CNMD: variants seen among roughly 807,000 people sequenced by gnomAD.
CNMD encodes the protein chondromodulin, also known as leukocyte cell-derived chemotaxin 1.
Under a neutral mutation model 37.5 loss-of-function variants are expected in CNMD, and 30 were observed. The ratio of observed to expected loss-of-function variants is 0.80; its 90% CI spans 0.60 to 1.09. The LOEUF (loss-of-function observed/expected upper bound fraction) is 1.09, where lower values mean the gene tolerates loss of function less well. Among genes scored for constraint, CNMD ranks in the 50% least tolerant of loss-of-function variants. The pLI, the probability that CNMD is intolerant of heterozygous loss-of-function variation, is 0.00. For synonymous variants in CNMD, 167 were observed against 148.2 expected, an observed-to-expected ratio of 1.13 and a Z score of -0.92; for missense variants, 398 against 423.9, an observed-to-expected ratio of 0.94 and a Z score of 0.54.
intron 4 of CNMD, among the ~76,000 whole-genome samples, chr13:52,723,680 G>A (rs527273015): frequency 3.9e-5 from 6 of 151,932 alleles, no homozygotes; most frequent in Non-Finnish European, 4.4e-5. Flanking sequence ...CTATAATCCT[G>A]GCACTTTAGG....
chr13:52,722,011 A>G (rs756221944), intron 4 of CNMD, among the ~76,000 whole-genome samples: 3 of 152,120 alleles, frequency 2.0e-5, no homozygotes, highest in African/African-American at 7.2e-5. Context: ...AAAAATGGTA[A>G]TGCAATAAGA....
chr13:52,730,034 C>G lies in CNMD; in HGVS notation c.354+3185G>C, dbSNP rs199683425. 1.0e-4 allele frequency among the ~76,000 whole-genome samples: 15 copies of G among 149,768 alleles called. No individual in the cohort carries two copies. The East Asian group carries it at 2.4e-3, about 24-fold the overall frequency. Reference sequence around the variant, plus strand: ...TCCCCTTCCTGTATCCATGTGTTCTCATTGTTCAATTCCCACCTATGAGTG... The same window carrying G: ...TCCCCTTCCTGTATCCATGTGTTCTGATTGTTCAATTCCCACCTATGAGTG... On this transcript the variant is annotated intron_variant, in intron 3 of 6. Coordinates refer to ENST00000377962, the MANE Select transcript of CNMD (RefSeq NM_007015.3).
intron 6 of CNMD, among the ~76,000 whole-genome samples, chr13:52,706,907 T>G (rs1964189467): frequency 6.6e-6 from 1 of 152,146 alleles, no homozygotes; most frequent in Non-Finnish European, 1.5e-5. Context: ...ATTTAATTTA[T>G]TTTTTAGTTG....
rs746698612 is a variant in CNMD at position 52,739,479 on chromosome 13, C to T, written c.72+151G>A. Reference sequence around the variant, plus strand: ...GCCGTGACCCCTGCACACTCATACGCGTGGGGCGACATCCCACCCACACAT... The same window carrying T: ...GCCGTGACCCCTGCACACTCATACGTGTGGGGCGACATCCCACCCACACAT... On this transcript the variant is annotated intron_variant, in intron 1 of 6. Coordinates refer to ENST00000377962, the MANE Select transcript of CNMD (RefSeq NM_007015.3). This position sits in a 1 kb window ranked among gnomAD's most constrained non-coding sequence, Gnocchi z 5.4. The T allele has an allele frequency of 2.3e-5, 17 of 743,848 alleles. No homozygotes were observed. The highest frequency in any genetic ancestry group is 3.5e-5 in the African/African-American group (2 of 57,624). 46.1% of individuals were successfully genotyped at this position (743,848 alleles called of 1,614,324 possible).
intron 6 of CNMD, among the ~76,000 whole-genome samples, chr13:52,707,061 T>G (rs1255107848): frequency 1.3e-5 from 2 of 151,904 alleles, no homozygotes; most frequent in Non-Finnish European, 2.9e-5. Flanking sequence ...GCCAGCTAAT[T>G]TTTTGTATTT....
intron 3 of CNMD, among the ~76,000 whole-genome samples, chr13:52,726,734 G>A (rs2138260627): frequency 6.6e-6 from 1 of 151,998 alleles, no homozygotes; most frequent in Non-Finnish European, 1.5e-5. Flanking sequence ...TAATTCTCCA[G>A]CAACAGATCA....
In CNMD at chr13:52,733,649, C is replaced by T. The variant is rs1964711816; in HGVS notation, c.214-290G>A. 7 of 444,086 alleles carry T rather than the reference C, an allele frequency of 1.6e-5. No individual in the cohort carries two copies. The Admixed American group carries it at 2.1e-4, about 13-fold the overall frequency. The allele number at this position is 444,086 out of a possible 1,614,324, so 27.5% of individuals were successfully genotyped here. A position where few individuals can be genotyped will look rare whatever the true frequency, so the allele number is the denominator to read the frequency against. ...CTTTAGAAGCATCTGGGTAGACTCTCTGGGTACCATGCCTGGGTTTCACCC... is the reference window on the plus strand; with the variant it reads ...CTTTAGAAGCATCTGGGTAGACTCTTTGGGTACCATGCCTGGGTTTCACCC... On this transcript the variant is annotated intron_variant, in intron 2 of 6. Coordinates refer to ENST00000377962, the MANE Select transcript of CNMD (RefSeq NM_007015.3).
At chr13:52,730,469 T>C (rs527284175) in intron 3 of CNMD, among the ~76,000 whole-genome samples, 1 of 152,026 alleles carries the variant, frequency 6.6e-6, no homozygotes, top group South Asian at 2.1e-4. Flanking sequence ...TTTCTCCACA[T>C]CCTCTCCAGC....
chr13:52,728,230 A>T (rs1171667936), intron 3 of CNMD, among the ~76,000 whole-genome samples: 1 of 152,102 alleles, frequency 6.6e-6, no homozygotes, highest in African/African-American at 2.4e-5. Flanking sequence ...TACTAAAAAT[A>T]CAAAAATTAG....
At position 52,739,160 on chromosome 13, in the gene CNMD, C is replaced by A. The variant is rs750803079; in HGVS notation, c.84G>T (p.Thr28=). 13 of 1,510,092 alleles carry A rather than the reference C, an allele frequency of 8.6e-6. No homozygotes were observed. Among genetic ancestry groups the A allele is most frequent in the Non-Finnish European group, 1.1e-5 (12 of 1,136,496 alleles). 93.5% of individuals were successfully genotyped at this position (1,510,092 alleles called of 1,614,324 possible). A position where few individuals can be genotyped will look rare whatever the true frequency, so the allele number is the denominator to read the frequency against. Residue 28 remains threonine, a synonymous_variant, in exon 2 of 7, where the codon ACG becomes ACT. Coordinates refer to ENST00000377962, the MANE Select transcript of CNMD (RefSeq NM_007015.3). This position sits in a 1 kb window ranked among gnomAD's most constrained non-coding sequence, Gnocchi z 5.4. The part of the protein sequence containing the change: ...VEFCSPPAYA[T]LTVKPSSPAR... ...CGGGGCTGGAGGGCTTCACCGTCAG[C>A]GTAGCGTACGCCTGCGGGCCGGGGC...
rs1322296282 is a variant in CNMD at position 52,739,185 on chromosome 13, C to CG, written c.73-15dup. 1 of 1,465,252 alleles carries CG rather than the reference C, an allele frequency of 6.8e-7. No homozygotes were observed. The highest frequency in any genetic ancestry group is 1.5e-5 in the African/African-American group (1 of 67,386). 90.8% of individuals were successfully genotyped at this position (1,465,252 alleles called of 1,614,324 possible). A position where few individuals can be genotyped will look rare whatever the true frequency, so the allele number is the denominator to read the frequency against. On this transcript the variant is annotated splice_polypyrimidine_tract_variant and intron_variant, in intron 1 of 6. Transcript: ENST00000377962. This position sits in a 1 kb window ranked among gnomAD's most constrained non-coding sequence, Gnocchi z 5.4. The stretch of plus-strand genomic sequence containing the variant: ...CGTAGCGTACGCCTGCGGGCCGGGG[C>CG]GGGAGAGGGACCGTCGCGTTTGTGC...
intron 5 of CNMD, among the ~76,000 whole-genome samples, chr13:52,712,144 C>T (rs891885257): frequency 1.3e-5 from 2 of 151,910 alleles, no homozygotes; most frequent in Non-Finnish European, 2.9e-5. Flanking sequence ...CCAGGCTCAC[C>T]TGCCCTTCAT....
intron 4 of CNMD, among the ~76,000 whole-genome samples, chr13:52,715,714 GTGTACATGTGCCACA>G (rs1314898749): frequency 3.9e-5 from 6 of 152,202 alleles, no homozygotes; most frequent in African/African-American, 1.4e-4. Context: ...GTATTCTATG[GTGTACATGTGCCACA>G]TTTTCTTTAT....
intron 4 of CNMD, among the ~76,000 whole-genome samples, chr13:52,721,151 C>A (rs959034770): frequency 5.9e-5 from 9 of 152,258 alleles, no homozygotes; most frequent in African/African-American, 2.2e-4. Flanking sequence ...CCCCTCCCCC[C>A]ACCAAGCTCA....
Position 52,708,626 on chromosome 13 carries a change from C to T in CNMD, c.699G>A (p.Arg233=), listed in dbSNP as rs1964237937. ...TCAGTCTTCCAGCGCCTGGGTTGCT[C>T]CGTGGTCCACTGTGTGGTCTTTTTG... is the stretch of plus-strand genomic sequence containing the variant. The part of the protein sequence containing the change: ...TTTKRPHSGP[R]SNPGAGRLNN... Residue 233 remains arginine (R), a synonymous_variant, in exon 6 of 7, where the codon CGG becomes CGA. Transcript: ENST00000377962. 1.2e-6 allele frequency: 2 copies of T among 1,613,942 alleles called. No homozygotes were observed. The highest frequency in any genetic ancestry group is 2.2e-5 in the East Asian group (1 of 44,868).
At chr13:52,717,918 T>G (rs1964416840) in intron 4 of CNMD, among the ~76,000 whole-genome samples, 1 of 152,210 alleles carries the variant, frequency 6.6e-6, no homozygotes, top group Non-Finnish European at 1.5e-5. Flanking sequence ...GAAAGAATGG[T>G]ACCAGCTCCT....
At chr13:52,735,619 G>A (rs761507737) in intron 2 of CNMD, among the ~76,000 whole-genome samples, 2 of 151,008 alleles carry the variant, frequency 1.3e-5, no homozygotes, top group African/African-American at 4.9e-5. Flanking sequence ...AAGAAGAATT[G>A]TCTTGGACCA....
In CNMD at chr13:52,703,614, C is replaced by G. The variant is rs753976938; in HGVS notation, c.986G>C (p.Arg329Pro). 4 of 1,611,374 alleles carry G rather than the reference C, an allele frequency of 2.5e-6. No individual in the cohort carries two copies. Among genetic ancestry groups the G allele is most frequent in the Non-Finnish European group, 3.4e-6 (4 of 1,177,954 alleles). ...GTGATTTCACACCATGCCCAAGATA[C>G]GGGCCACCCACCAGCTACATGGCAT... is the stretch of plus-strand genomic sequence containing the variant. ...VIMPCSWWVA[R>P]ILGMV The change falls in exon 7 of 7, where the codon CGT becomes CCT. Residue 329 changes from arginine (R) to proline (P), a missense_variant. Coordinates refer to ENST00000377962, the MANE Select transcript of CNMD (RefSeq NM_007015.3).
chr13:52,725,212 A>G lies in CNMD; in HGVS notation c.355-1102T>C, dbSNP rs9568754. 6.4e-3 allele frequency among the ~76,000 whole-genome samples: 982 copies of G among 152,304 alleles called. 22 individuals are homozygous for G. Among genetic ancestry groups the G allele is most frequent in the East Asian group, 0.062 (324 of 5,184 alleles). On this transcript the variant is annotated intron_variant, in intron 3 of 6. Transcript: ENST00000377962. ...AACTGGGATGCTTACTCAGCTATAC[A>G]CAGCCTACTTAGTTATAAGCTTCTT... is the stretch of plus-strand genomic sequence containing the variant.
Sources: gnomAD v4.1 joint callset for allele counts (sites outside exome capture counted in the v4.1 genomes callset) on GRCh38, gnomAD v4.1.1 for gene constraint, Gnocchi (gnomAD v3.1) non-coding constraint, MANE v1.5 for transcripts, NCBI Gene and HGNC (gene_info 2026-07-23, HGNC 2026-07-21) for gene names.